MPRIP: variants seen among roughly 807,000 people sequenced by gnomAD.
The protein encoded by MPRIP is myosin phosphatase Rho interacting protein, also known as myosin phosphatase Rho-interacting protein.
Under a neutral mutation model 234.9 loss-of-function variants are expected in MPRIP, and 59 were observed. That is an observed-to-expected ratio of 0.25 (90% CI 0.20 to 0.31). MPRIP has a LOEUF of 0.31. Among genes scored for constraint, MPRIP ranks in the 10% least tolerant of loss-of-function variants. The probability of loss-of-function intolerance (pLI) is 1.00; values close to 1 mark genes in which losing one functional copy is unlikely to be tolerated. For missense variants in MPRIP, 2,436 were observed against 3,071.0 expected (o/e 0.79, Z 4.89); for synonymous variants, 1,144 against 1,263.9 (o/e 0.91, Z 2.01).
rs2087488228 is a variant in MPRIP, at chr17:17,138,685, T to C, written c.1250+256T>C. Among the ~76,000 whole-genome samples, 2 of 152,218 alleles carry C rather than the reference T, an allele frequency of 1.3e-5. No homozygotes were observed. The highest frequency in any genetic ancestry group is 6.5e-5 in the Admixed American group (1 of 15,292). The stretch of plus-strand genomic sequence containing the variant: ...TTTTCACATCAGTGCCTCCTAGGAC[T>C]GGGACCTTAAGGTTCCCTGATGGGT... On this transcript the variant is annotated intron_variant, in intron 7 of 23. Coordinates refer to ENST00000651222, the MANE Select transcript of MPRIP (RefSeq NM_001364716.4). The surrounding 1 kb of genome is among the most constrained non-coding windows in gnomAD (Gnocchi z 5.8).
Position 17,106,152 on chromosome 17 carries a change from C to T in MPRIP, c.268-20550C>T, listed in dbSNP as rs76398384. Among the ~76,000 whole-genome samples, 963 of 152,282 alleles carry T rather than the reference C, an allele frequency of 6.3e-3. 5 individuals are homozygous for T. The highest frequency in any genetic ancestry group is 0.021 in the African/African-American group (889 of 41,542). ...GTGTCTGCAGTGTTGCAGTGAGGCACGGGGTGGCCTCACCACCATGTCTTT... is the reference window on the plus strand; with the variant it reads ...GTGTCTGCAGTGTTGCAGTGAGGCATGGGGTGGCCTCACCACCATGTCTTT... On this transcript the variant is annotated intron_variant, in intron 3 of 23. Transcript: ENST00000651222.
chr17:17,082,285 ATTTTTTTT>A (rs71355536), intron 3 of MPRIP, among the ~76,000 whole-genome samples: 19 of 88,700 alleles, frequency 2.1e-4, no homozygotes, highest in Admixed American at 6.1e-4. Flanking sequence ...GCTTTTTCCA[ATTTTTTTT>A]TTTTTTTTTT....
chr17:17,179,848 G>A lies in MPRIP; in HGVS notation c.7121-155G>A, dbSNP rs1416404657. ...TCTGAAGAGATCTAGCATGTTTTATGGTTATTGGCTTTGAATTCCCTTAGA... is the reference window on the plus strand; with the variant it reads ...TCTGAAGAGATCTAGCATGTTTTATAGTTATTGGCTTTGAATTCCCTTAGA... On this transcript the variant is annotated intron_variant, in intron 22 of 23. Transcript: ENST00000651222. Among the ~76,000 whole-genome samples the A allele has an allele frequency of 2.6e-5, 4 of 152,180 alleles. No homozygotes were observed. The East Asian group carries it at 7.7e-4, about 29-fold the overall frequency.
intron 4 of MPRIP, among the ~76,000 whole-genome samples, chr17:17,127,928 G>A (rs1047603341): frequency 6.6e-6 from 1 of 152,134 alleles, no homozygotes; most frequent in Admixed American, 6.5e-5. Flanking sequence ...GCTCTCTGCG[G>A]GGGTGTGCTC....
chr17:17,075,825 A>G (rs760615690), intron 2 of MPRIP, 38 bp downstream of exon 2: 9 of 1,595,296 alleles, frequency 5.6e-6, no homozygotes, highest in Middle Eastern at 1.7e-4. Flanking sequence ...GAGGAACCAG[A>G]GAAGGGACCC....
At chr17:17,094,718 C>A (rs868116576) in intron 3 of MPRIP, among the ~76,000 whole-genome samples, 1 of 150,488 alleles carries the variant, frequency 6.6e-6, no homozygotes, top group Non-Finnish European at 1.5e-5. Flanking sequence ...TCAAATGATT[C>A]TCCTGCTTCA....
At chr17:17,155,512 G>A (rs1377585155) in intron 13 of MPRIP, among the ~76,000 whole-genome samples, 1 of 152,152 alleles carries the variant, frequency 6.6e-6, no homozygotes, top group Non-Finnish European at 1.5e-5. Flanking sequence ...CCAAAGTGCT[G>A]AAATTGCAGG....
chr17:17,073,656 T>C (rs1474529878), intron 1 of MPRIP, among the ~76,000 whole-genome samples: 1 of 152,008 alleles, frequency 6.6e-6, no homozygotes, highest in Non-Finnish European at 1.5e-5. Context: ...CAGGGAGTTG[T>C]CCAGCTCCGG....
intron 3 of MPRIP, among the ~76,000 whole-genome samples, chr17:17,116,441 G>A (rs2090287320): frequency 6.6e-6 from 1 of 152,234 alleles, no homozygotes; most frequent in South Asian, 2.1e-4. Context: ...AGCTTGGGCT[G>A]GGAGCTGTTG....
chr17:17,146,211 T>G, intron 10 of MPRIP, 119 bp downstream of exon 10: 1 of 859,290 alleles, frequency 1.2e-6, no homozygotes, highest in Non-Finnish European at 1.9e-6. Flanking sequence ...CCATGCCCCT[T>G]GTCTTCATGA....
chr17:17,109,867 A>G (rs2090136023), intron 3 of MPRIP, among the ~76,000 whole-genome samples: 1 of 152,226 alleles, frequency 6.6e-6, no homozygotes. Context: ...TCAGGGGGAC[A>G]TGGGAGCCGG....
At chr17:17,182,368 C>T (rs2046390265) in intron 23 of MPRIP, 1 of 152,206 alleles carries the variant, frequency 6.6e-6, no homozygotes, top group African/African-American at 2.4e-5. Flanking sequence ...AGCAGCACAG[C>T]CTTTTCTGGG....
At chr17:17,137,623 C>T (rs1293371663) in intron 6 of MPRIP, among the ~76,000 whole-genome samples, 2 of 151,556 alleles carry the variant, frequency 1.3e-5, no homozygotes, top group African/African-American at 2.4e-5. Context: ...CAGATCTGAT[C>T]TTCCAGCCAA....
intron 3 of MPRIP, among the ~76,000 whole-genome samples, chr17:17,091,739 G>A (rs117754504): frequency 0.01 from 1,570 of 152,330 alleles, 10 homozygotes; most frequent in Non-Finnish European, 0.015. Context: ...TGGGGAGGGT[G>A]AGAGGCTGTG....
intron 12 of MPRIP, 49 bp downstream of exon 12, chr17:17,150,282 C>A (rs1183403502): frequency 1.4e-6 from 2 of 1,406,080 alleles, no homozygotes; most frequent in African/African-American, 1.4e-5. Context: ...GGCAGGGATG[C>A]ATGTCAGAGT....
At chr17:17,057,775 G>A (rs895740913) in intron 1 of MPRIP, 8 of 708,524 alleles carry the variant, frequency 1.1e-5, no homozygotes, top group Middle Eastern at 4.6e-4. Context: ...TCCTACACCC[G>A]AGGTGGCCCC....
At chr17:17,156,020 C>G (rs570501133) in intron 13 of MPRIP, among the ~76,000 whole-genome samples, 321 of 152,378 alleles carry the variant, frequency 2.1e-3, no homozygotes, top group Non-Finnish European at 3.1e-3. Flanking sequence ...GCAGACAGAG[C>G]TTATCACGGG....
At chr17:17,157,882 G>A (rs1021523663) in intron 13 of MPRIP, among the ~76,000 whole-genome samples, 2 of 152,188 alleles carry the variant, frequency 1.3e-5, no homozygotes, top group Middle Eastern at 3.4e-3. Flanking sequence ...TTATTAAAAG[G>A]TAAGCCCTTC....
chr17:17,108,652 C>G (rs1168374469), intron 3 of MPRIP, among the ~76,000 whole-genome samples: 2 of 152,192 alleles, frequency 1.3e-5, no homozygotes, highest in Admixed American at 1.3e-4. Flanking sequence ...AGGTCTGGGC[C>G]CCCTGAAGCT....
Sources: gnomAD v4.1 joint callset for allele counts (sites outside exome capture counted in the v4.1 genomes callset) on GRCh38, gnomAD v4.1.1 for gene constraint, Gnocchi (gnomAD v3.1) non-coding constraint, MANE v1.5 for transcripts, NCBI Gene and HGNC (gene_info 2026-07-23, HGNC 2026-07-21) for gene names.